CKMT2: variants seen among roughly 807,000 people sequenced by gnomAD.
CKMT2 encodes the protein creatine kinase, mitochondrial 2, also known as creatine kinase S-type, mitochondrial.
In CKMT2, 43 loss-of-function variants were observed where a neutral mutation model predicts 48.9. The observed-to-expected ratio is 0.88, with a 90% CI of 0.69 to 1.13. CKMT2 has a LOEUF of 1.13. Among genes scored for constraint, CKMT2 ranks in the 50% most tolerant of loss-of-function variants. The probability of loss-of-function intolerance (pLI) is 0.00; values close to 1 mark genes in which losing one functional copy is unlikely to be tolerated. For synonymous variants in CKMT2, 206 were observed against 213.0 expected, an observed-to-expected ratio of 0.97 and a Z score of 0.29; for missense variants, 472 against 555.4, an observed-to-expected ratio of 0.85 and a Z score of 1.51.
intron 1 of CKMT2, chr5:81,237,549 C>T (rs1470443779): frequency 6.6e-6 from 1 of 152,178 alleles, no homozygotes; most frequent in African/African-American, 2.4e-5. Context: ...AAAATTTTAA[C>T]ACACATCAAA....
chr5:81,241,023 A>T (rs1756416570), intron 1 of CKMT2, among the ~76,000 whole-genome samples: 1 of 152,174 alleles, frequency 6.6e-6, no homozygotes, highest in South Asian at 2.1e-4. Flanking sequence ...CAGACATTTA[A>T]TGATAACCTA....
chr5:81,255,179 G>C lies in CKMT2; in HGVS notation c.634G>C (p.Glu212Gln). The stretch of plus-strand genomic sequence containing the variant: ...GGCTGGCCGCTACTACAAGCTGTCC[G>C]AGATGACGGAGCAGGACCAGCAGCG... ...DLAGRYYKLSEMTEQDQQRLI... is the reference protein window; with the variant it reads ...DLAGRYYKLSQMTEQDQQRLI... The change falls in exon 5 of 10, where the codon GAG (glutamate) becomes CAG (glutamine). Residue 212 changes from glutamate to glutamine, a missense_variant. Physicochemically the swap from Glu to Gln is conservative, Grantham distance 29. Coordinates refer to ENST00000254035, the MANE Select transcript of CKMT2 (RefSeq NM_001099735.2). 6.2e-7 allele frequency: 1 copy of C among 1,614,118 alleles called. No individual in the cohort carries two copies. The highest frequency in any genetic ancestry group is 1.1e-5 in the South Asian group (1 of 91,082).
intron 8 of CKMT2, among the ~76,000 whole-genome samples, chr5:81,262,370 C>T (rs1465319068): frequency 1.3e-5 from 2 of 151,918 alleles, no homozygotes; most frequent in African/African-American, 4.8e-5. Flanking sequence ...TTCTGCACAG[C>T]AAAATAAATT....
chr5:81,259,872 TC>T (rs1277045403), intron 8 of CKMT2, among the ~76,000 whole-genome samples: 1 of 152,200 alleles, frequency 6.6e-6, no homozygotes, highest in East Asian at 1.9e-4. Context: ...CAAGTGGACC[TC>T]ATACACATCT....
At chr5:81,247,384 C>T (rs1235545727) in intron 1 of CKMT2, among the ~76,000 whole-genome samples, 2 of 152,180 alleles carry the variant, frequency 1.3e-5, no homozygotes, top group Non-Finnish European at 2.9e-5. Flanking sequence ...AAACATCTTC[C>T]CAGCTTTACT....
Position 81,257,868 on chromosome 5 carries a change from T to C in CKMT2, c.879+12T>C. 6.2e-7 allele frequency: 1 copy of C among 1,604,186 alleles called. No individual in the cohort carries two copies. Among genetic ancestry groups the C allele is most frequent in the Non-Finnish European group, 8.5e-7 (1 of 1,174,532 alleles). ...GTGGACTAAAAGAAGTAAGATGTTA[T>C]CTGAGATTTCTGGATATTTATTAAA... On this transcript the variant is annotated intron_variant, in intron 7 of 9. Coordinates refer to ENST00000254035, the MANE Select transcript of CKMT2 (RefSeq NM_001099735.2).
At position 81,256,911 on chromosome 5, in the gene CKMT2, A is replaced by C; in HGVS notation, c.670-4A>C. 6.2e-7 allele frequency: 1 copy of C among 1,612,260 alleles called. No individual in the cohort carries two copies. The highest frequency in any genetic ancestry group is 8.5e-7 in the Non-Finnish European group (1 of 1,178,626). The stretch of plus-strand genomic sequence containing the variant: ...CTCTCTGCTTTATCCCTTTTGGCCT[A>C]CAGGACCACTTTCTGTTTGATAAGC... On this transcript the variant is annotated splice_polypyrimidine_tract_variant and splice_region_variant and intron_variant, in intron 5 of 9. Coordinates refer to ENST00000254035, the MANE Select transcript of CKMT2 (RefSeq NM_001099735.2).
In CKMT2 at chr5:81,255,204, G is replaced by A. The variant is rs781646369; in HGVS notation, c.659G>A (p.Arg220Gln). ...GAGATGACGGAGCAGGACCAGCAGC[G>A]GCTCATCGATGTGAGTAGCAGATGG... The part of the protein sequence containing the change: ...LSEMTEQDQQ[R>Q]LIDDHFLFDK... The change falls in exon 5 of 10, where the codon CGG (arginine) becomes CAG (glutamine). Residue 220 changes from arginine to glutamine, a missense_variant. Transcript: ENST00000254035. The A allele has an allele frequency of 3.1e-6, 5 of 1,613,932 alleles. No individual in the cohort carries two copies. Among genetic ancestry groups the A allele is most frequent in the East Asian group, 2.2e-5 (1 of 44,870 alleles).
chr5:81,256,719 G>A (rs1003975689), intron 5 of CKMT2, among the ~76,000 whole-genome samples, 196 bp from the exon 6 acceptor site: 2 of 152,214 alleles, frequency 1.3e-5, no homozygotes, highest in Non-Finnish European at 2.9e-5. Context: ...GCCCAGATCA[G>A]TCTATAACAA....
At chr5:81,257,677 T>C (rs1580453172) in intron 6 of CKMT2, 56 bp from the exon 7 acceptor site, 1 of 1,528,144 alleles carries the variant, frequency 6.5e-7, no homozygotes, top group Non-Finnish European at 8.9e-7. Flanking sequence ...ATGGGAATTT[T>C]CATGTGTTGA....
In CKMT2 at chr5:81,255,179, G is replaced by A. The variant is rs1561284170; in HGVS notation, c.634G>A (p.Glu212Lys). 6 of 1,614,118 alleles carry A rather than the reference G, an allele frequency of 3.7e-6. No individual in the cohort carries two copies. Among genetic ancestry groups the A allele is most frequent in the Non-Finnish European group, 5.1e-6 (6 of 1,180,034 alleles). ...DLAGRYYKLSEMTEQDQQRLI... is the reference protein window; with the variant it reads ...DLAGRYYKLSKMTEQDQQRLI... ...GGCTGGCCGCTACTACAAGCTGTCC[G>A]AGATGACGGAGCAGGACCAGCAGCG... Residue 212 changes from glutamate (E) to lysine (K), a missense_variant, in exon 5 of 10, where the codon GAG becomes AAG. By Grantham distance (56) the Glu-to-Lys change is moderately conservative. Coordinates refer to ENST00000254035, the MANE Select transcript of CKMT2 (RefSeq NM_001099735.2).
intron 1 of CKMT2, 117 bp from the exon 2 acceptor site, chr5:81,250,996 G>GAC: frequency 1.6e-6 from 1 of 639,470 alleles, no homozygotes; most frequent in Non-Finnish European, 2.7e-6. Context: ...GAGAGAGAGA[G>GAC]ACAGAGACAC....
intron 4 of CKMT2, 96 bp from the exon 5 acceptor site, chr5:81,254,897 C>G: frequency 6.8e-6 from 7 of 1,025,766 alleles, no homozygotes; most frequent in Non-Finnish European, 1.1e-5. Context: ...CTGAGGGTCC[C>G]CAGGGAAACT....
At chr5:81,263,674 G>A in intron 9 of CKMT2, 58 bp downstream of exon 9, 1 of 1,520,114 alleles carries the variant, frequency 6.6e-7, no homozygotes, top group Middle Eastern at 2.0e-4. Context: ...AGAGAGAATA[G>A]AGAAAAGCAA....
In CKMT2 at chr5:81,251,140, G is replaced by A. The variant is rs376182323; in HGVS notation, c.8G>A (p.Ser3Asn). The change falls in exon 2 of 10, where the codon AGT (serine) becomes AAT (asparagine). Residue 3 changes from serine to asparagine, a missense_variant. By Grantham distance (46) the Ser-to-Asn change is conservative. Transcript: ENST00000254035. ...ACTCATCCAAGAGGAAGGATGGCCA[G>A]TATCTTTTCTAAGTTGCTAACTGGC... Reference protein sequence around the residue: MASIFSKLLTGRN... With the variant: MANIFSKLLTGRN... The A allele has an allele frequency of 2.5e-6, 4 of 1,613,780 alleles. No individual in the cohort carries two copies. Among genetic ancestry groups the A allele is most frequent in the Non-Finnish European group, 3.4e-6 (4 of 1,179,888 alleles).
At position 81,262,238 on chromosome 5, in the gene CKMT2, C is replaced by T. The variant is rs537581139; in HGVS notation, c.1015-1253C>T. Among the ~76,000 whole-genome samples the T allele has an allele frequency of 5.9e-5, 9 of 152,028 alleles. No homozygotes were observed. The East Asian group carries it at 1.7e-3, about 29-fold the overall frequency. ...CATAAGACCTAAAAACCATAAAAACCCTAGAAGAAAACCTAGGCAATACCA... is the reference window on the plus strand; with the variant it reads ...CATAAGACCTAAAAACCATAAAAACTCTAGAAGAAAACCTAGGCAATACCA... On this transcript the variant is annotated intron_variant, in intron 8 of 9. Coordinates refer to ENST00000254035, the MANE Select transcript of CKMT2 (RefSeq NM_001099735.2).
At chr5:81,256,405 T>C (rs935946701) in intron 5 of CKMT2, among the ~76,000 whole-genome samples, 2 of 152,202 alleles carry the variant, frequency 1.3e-5, no homozygotes, top group African/African-American at 4.8e-5. Flanking sequence ...AAGCCTGTAA[T>C]CTAGAGCCTG....
At chr5:81,261,093 T>C (rs886333726) in intron 8 of CKMT2, among the ~76,000 whole-genome samples, 5 of 152,186 alleles carry the variant, frequency 3.3e-5, no homozygotes, top group Non-Finnish European at 7.3e-5. Flanking sequence ...AACCATCCCA[T>C]GAACAGAACC....
rs751778272 is a variant in CKMT2 at position 81,257,822 on chromosome 5, G to A, written c.845G>A (p.Arg282Gln). 4.3e-6 allele frequency: 7 copies of A among 1,613,552 alleles called. No homozygotes were observed. The highest frequency in any genetic ancestry group is 1.6e-4 in the Middle Eastern group (1 of 6,084). ...ISMEKGGNMK[R>Q]VFERFCRGLK... ...ATGGAAAAAGGAGGCAATATGAAAC[G>A]AGTATTTGAGCGATTCTGTCGTGGA... The change falls in exon 7 of 10, where the codon CGA (arginine) becomes CAA (glutamine). Residue 282 changes from arginine (R) to glutamine (Q), a missense_variant. Coordinates refer to ENST00000254035, the MANE Select transcript of CKMT2 (RefSeq NM_001099735.2).
Sources: allele counts gnomAD v4.1 joint callset (sites outside exome capture counted in the v4.1 genomes callset), GRCh38; gene constraint gnomAD v4.1.1; transcripts MANE v1.5; gene names NCBI Gene and HGNC (gene_info 2026-07-23, HGNC 2026-07-21).